The following SLC35F3 variants were observed in gnomAD, a reference collection of about 807,000 sequenced individuals.
The protein encoded by SLC35F3 is putative thiamine transporter SLC35F3.
SLC35F3 carries 25 observed loss-of-function variants against 49.9 expected under a neutral mutation model. The observed-to-expected ratio is 0.50, with a 90% confidence interval of 0.37 to 0.70. The LOEUF (loss-of-function observed/expected upper bound fraction) is 0.70. Among genes scored for constraint, SLC35F3 ranks in the 30% least tolerant of loss-of-function variants. The pLI, the probability that SLC35F3 is intolerant of heterozygous loss-of-function variation, is 0.00. For synonymous variants in SLC35F3, 275 were observed against 265.4 expected (o/e 1.04, Z -0.35); for missense variants, 525 against 639.8 (o/e 0.82, Z 1.94).
intron 2 of SLC35F3, among the ~76,000 whole-genome samples, chr1:234,126,927 C>T (rs1665657113): frequency 6.6e-6 from 1 of 152,146 alleles, no homozygotes; most frequent in Non-Finnish European, 1.5e-5. Context: ...AAACTCTTGA[C>T]CTCAAGCAAT....
intron 2 of SLC35F3, among the ~76,000 whole-genome samples, chr1:234,041,398 A>G (rs1358087320): frequency 1.3e-5 from 2 of 152,092 alleles, no homozygotes; most frequent in Non-Finnish European, 2.9e-5. Context: ...TTCTTTCCAG[A>G]CCTGAAATTG....
intron 2 of SLC35F3, among the ~76,000 whole-genome samples, chr1:233,920,246 A>G (rs558984997): frequency 7.9e-5 from 12 of 152,356 alleles, no homozygotes; most frequent in African/African-American, 2.9e-4. Context: ...GAAATGCTAT[A>G]ATGTTAAAGA....
At chr1:234,151,998 T>A (rs1188247622) in intron 2 of SLC35F3, among the ~76,000 whole-genome samples, 1 of 151,772 alleles carries the variant, frequency 6.6e-6, no homozygotes, top group Admixed American at 6.6e-5. Context: ...CCTTTTTTTT[T>A]ATCATTTCAT....
At chr1:233,925,249 T>C (rs1662137491) in intron 2 of SLC35F3, among the ~76,000 whole-genome samples, 1 of 152,156 alleles carries the variant, frequency 6.6e-6, no homozygotes, top group Non-Finnish European at 1.5e-5. Flanking sequence ...AGTCTCCCAT[T>C]ATTATTGTGT....
chr1:234,105,569 AGCCATGTCT>A (rs1665273840), intron 2 of SLC35F3, among the ~76,000 whole-genome samples: 1 of 152,150 alleles, frequency 6.6e-6, no homozygotes, highest in African/African-American at 2.4e-5. Context: ...AAGAAAGAGG[AGCCATGTCT>A]GCACCTCTTG....
chr1:234,200,908 GT>G (rs1666892036), intron 2 of SLC35F3, among the ~76,000 whole-genome samples: 1 of 152,222 alleles, frequency 6.6e-6, no homozygotes, highest in Non-Finnish European at 1.5e-5. Flanking sequence ...AATAGCCATA[GT>G]TTTTTGTTTC....
At chr1:234,226,957 G>GCA (rs1558266305) in intron 2 of SLC35F3, among the ~76,000 whole-genome samples, 3 of 87,614 alleles carry the variant, frequency 3.4e-5, no homozygotes, top group East Asian at 1.0e-3. Context: ...GTGCGCGCAC[G>GCA]CGTGCACACA....
intron 2 of SLC35F3, among the ~76,000 whole-genome samples, chr1:234,141,273 CT>C (rs1665909986): frequency 6.6e-6 from 1 of 152,098 alleles, no homozygotes; most frequent in African/African-American, 2.4e-5. Context: ...TCAATAGCTT[CT>C]TGGAATGTTC....
At chr1:234,058,560 T>C (rs12741590) in intron 2 of SLC35F3, among the ~76,000 whole-genome samples, 1 of 151,946 alleles carries the variant, frequency 6.6e-6, no homozygotes, top group African/African-American at 2.4e-5. Context: ...CCCAAGCTGG[T>C]CTCAGAACTT....
chr1:234,049,452 C>G (rs182187479), intron 2 of SLC35F3, among the ~76,000 whole-genome samples: 1 of 152,124 alleles, frequency 6.6e-6, no homozygotes, highest in East Asian at 1.9e-4. Flanking sequence ...AGAAGCCAGC[C>G]ATTTACAAGT....
At chr1:234,193,755 A>C (rs2102930442) in intron 2 of SLC35F3, among the ~76,000 whole-genome samples, 1 of 152,302 alleles carries the variant, frequency 6.6e-6, no homozygotes, top group South Asian at 2.1e-4. Context: ...CAAGAAAGAA[A>C]CAAACAGTCC....
At chr1:234,054,224 C>G (rs10910332) in intron 2 of SLC35F3, among the ~76,000 whole-genome samples, 16,085 of 152,216 alleles carry the variant, frequency 0.11, 1,316 homozygotes, top group East Asian at 0.25. Flanking sequence ...TGGATAATAT[C>G]CTGCAAAGTG....
chr1:234,120,683 C>T (rs1449189825), intron 2 of SLC35F3, among the ~76,000 whole-genome samples: 4 of 152,250 alleles, frequency 2.6e-5, no homozygotes, highest in Non-Finnish European at 5.9e-5. Flanking sequence ...AAGCTCAAGA[C>T]AGCCCTTGGT....
At chr1:234,120,686 CCCT>C (rs1665557147) in intron 2 of SLC35F3, among the ~76,000 whole-genome samples, 1 of 152,228 alleles carries the variant, frequency 6.6e-6, no homozygotes, top group African/African-American at 2.4e-5. Context: ...CTCAAGACAG[CCCT>C]TGGTCTCCTT....
chr1:234,242,812 A>G (rs1307701989), intron 3 of SLC35F3, among the ~76,000 whole-genome samples: 1 of 152,228 alleles, frequency 6.6e-6, no homozygotes, highest in East Asian at 1.9e-4. Context: ...TATATACTTT[A>G]TTAATTTATG....
At chr1:233,910,874 T>G (rs1661863341) in intron 2 of SLC35F3, among the ~76,000 whole-genome samples, 1 of 152,212 alleles carries the variant, frequency 6.6e-6, no homozygotes, top group African/African-American at 2.4e-5. Context: ...TTAAGTCATT[T>G]GTAGAATGGA....
intron 2 of SLC35F3, among the ~76,000 whole-genome samples, chr1:234,015,200 G>A (rs1322709145): frequency 6.6e-6 from 1 of 151,958 alleles, no homozygotes; most frequent in Admixed American, 6.6e-5. Flanking sequence ...ACAAAAGTTA[G>A]CCAGGTGCGG....
chr1:234,173,483 A>G (rs1666431060), intron 2 of SLC35F3, among the ~76,000 whole-genome samples: 1 of 152,190 alleles, frequency 6.6e-6, no homozygotes, highest in South Asian at 2.1e-4. Flanking sequence ...CTTCAACCCC[A>G]TGCATTTCTA....
At chr1:234,187,237 C>G (rs770687401) in intron 2 of SLC35F3, among the ~76,000 whole-genome samples, 1 of 152,164 alleles carries the variant, frequency 6.6e-6, no homozygotes, top group Non-Finnish European at 1.5e-5. Context: ...AAATTGTATA[C>G]TATACCTAAA....
Sources: gnomAD v4.1 joint callset for allele counts (sites outside exome capture counted in the v4.1 genomes callset) on GRCh38, gnomAD v4.1.1 for gene constraint, MANE v1.5 for transcripts, NCBI Gene and HGNC (gene_info 2026-07-23, HGNC 2026-07-21) for gene names.